BLMH: variants seen among roughly 807,000 people sequenced by gnomAD.
BLMH encodes the protein BLM hydrolase.
In BLMH, 32 loss-of-function variants were observed where a neutral mutation model predicts 61.6. The ratio of observed to expected loss-of-function variants is 0.52; its 90% CI spans 0.39 to 0.70. BLMH has a LOEUF of 0.70. Ranked by LOEUF, BLMH falls within the 30% of genes least tolerant of loss-of-function variation. BLMH has a pLI of 0.00. For missense variants in BLMH, 460 were observed against 555.5 expected (o/e 0.83, Z 1.73); for synonymous variants, 183 against 193.8 (o/e 0.94, Z 0.46).
At chr17:30,291,172 G>C in intron 2 of BLMH, 139 bp downstream of exon 2, 3 of 1,069,912 alleles carry the variant, frequency 2.8e-6, no homozygotes, top group Non-Finnish European at 4.0e-6. Flanking sequence ...TCTTAGACCT[G>C]CCTGTACCTG....
At chr17:30,278,625 T>A (rs904837554) in intron 6 of BLMH, among the ~76,000 whole-genome samples, 1 of 152,338 alleles carries the variant, frequency 6.6e-6, no homozygotes, top group African/African-American at 2.4e-5. Flanking sequence ...CCTAGAATAG[T>A]GTCAGATACA....
At chr17:30,266,110 A>G in intron 11 of BLMH, among the ~76,000 whole-genome samples, 1 of 152,156 alleles carries the variant, frequency 6.6e-6, no homozygotes, top group East Asian at 1.9e-4. Flanking sequence ...CAAAGTGTTC[A>G]TTTCCACTTT....
chr17:30,280,272 C>T (rs546795361), intron 6 of BLMH, among the ~76,000 whole-genome samples: 10 of 152,278 alleles, frequency 6.6e-5, no homozygotes, highest in Middle Eastern at 3.4e-3. Flanking sequence ...TTCTTATTAT[C>T]TGTGTCTAAT....
At position 30,249,015 on chromosome 17, in the gene BLMH, T is replaced by C; in HGVS notation, c.*2A>G. 1 of 1,613,874 alleles carries C rather than the reference T, an allele frequency of 6.2e-7. No individual in the cohort carries two copies. The highest frequency in any genetic ancestry group is 1.7e-4 in the Middle Eastern group (1 of 6,024). ...GAAGGAGGAAAGAGCTGGAGGGCAG[T>C]ATCACTCAGCCAAAGCTCCCATGGG... is the stretch of plus-strand genomic sequence containing the variant. On this transcript the variant is annotated 3_prime_UTR_variant, in exon 12 of 12. Transcript: ENST00000261714.
At chr17:30,261,957 G>C (rs962424407) in intron 11 of BLMH, among the ~76,000 whole-genome samples, 12 of 152,124 alleles carry the variant, frequency 7.9e-5, no homozygotes, top group African/African-American at 2.9e-4. Context: ...GGAACAGAGA[G>C]GCTCACTTGT....
At chr17:30,272,718 C>T (rs764438981) in intron 8 of BLMH, 23 bp downstream of exon 8, 3 of 1,613,930 alleles carry the variant, frequency 1.9e-6, no homozygotes, top group South Asian at 1.1e-5. Flanking sequence ...CCCCAATGTG[C>T]AAAATACAGA....
Position 30,289,386 on chromosome 17 carries a change from A to C in BLMH, c.308T>G (p.Phe103Cys). ...EEFEFSQSYLFFWDKVERCYF... is the reference protein window; with the variant it reads ...EEFEFSQSYLCFWDKVERCYF... ...TCTGTCCCATACCTTGTCCCAAAAAAACAGGTAAGATTGGCTAAACTCAAA... is the reference window on the plus strand; with the variant it reads ...TCTGTCCCATACCTTGTCCCAAAAACACAGGTAAGATTGGCTAAACTCAAA... The change falls in exon 3 of 12, where the codon TTT (phenylalanine) becomes TGT (cysteine). Residue 103 changes from phenylalanine to cysteine, a missense_variant. By Grantham distance (205) the Phe-to-Cys change is radical. Coordinates refer to ENST00000261714, the MANE Select transcript of BLMH (RefSeq NM_000386.4). 1.2e-6 allele frequency: 2 copies of C among 1,605,132 alleles called. No homozygotes were observed. The highest frequency in any genetic ancestry group is 2.2e-5 in the East Asian group (1 of 44,720).
intron 11 of BLMH, among the ~76,000 whole-genome samples, chr17:30,255,991 A>G (rs1301015775): frequency 6.6e-6 from 1 of 152,158 alleles, no homozygotes; most frequent in Non-Finnish European, 1.5e-5. Flanking sequence ...GGGACATGCG[A>G]TCCTCCCACC....
At chr17:30,280,914 G>T (rs145365800) in intron 6 of BLMH, among the ~76,000 whole-genome samples, 2 of 152,302 alleles carry the variant, frequency 1.3e-5, no homozygotes, top group African/African-American at 4.8e-5. Context: ...AAAGTTCAGT[G>T]CTGTGGGTAA....
At chr17:30,263,121 G>A (rs1908008253) in intron 11 of BLMH, among the ~76,000 whole-genome samples, 1 of 152,158 alleles carries the variant, frequency 6.6e-6, no homozygotes. Flanking sequence ...TTCTTGAGTG[G>A]ACGACATGCT....
At chr17:30,260,162 C>G (rs571034788) in intron 11 of BLMH, among the ~76,000 whole-genome samples, 2 of 152,232 alleles carry the variant, frequency 1.3e-5, no homozygotes, top group South Asian at 4.1e-4. Flanking sequence ...GAGGCTCAGA[C>G]AGGTTAAATG....
chr17:30,268,814 A>AT (rs960360096), intron 10 of BLMH, among the ~76,000 whole-genome samples: 1 of 149,224 alleles, frequency 6.7e-6, no homozygotes, highest in African/African-American at 2.5e-5. Context: ...AAGCAGGTGG[A>AT]TTGCTTGAGG....
At chr17:30,285,728 A>G (rs188112123) in intron 5 of BLMH, among the ~76,000 whole-genome samples, 3 of 152,326 alleles carry the variant, frequency 2.0e-5, no homozygotes, top group Admixed American at 1.3e-4. Context: ...CTCTGCAAAC[A>G]TCGCATAAAG....
chr17:30,258,287 C>T (rs985041459), intron 11 of BLMH, among the ~76,000 whole-genome samples: 1 of 151,340 alleles, frequency 6.6e-6, no homozygotes, highest in African/African-American at 2.4e-5. Context: ...CCATTTGAAA[C>T]AGTGATCTGA....
chr17:30,278,743 C>T (rs184652209), intron 6 of BLMH, among the ~76,000 whole-genome samples: 9 of 152,276 alleles, frequency 5.9e-5, no homozygotes, highest in South Asian at 4.1e-4. Flanking sequence ...GATCTCGGCT[C>T]GCTGCAACCT....
intron 10 of BLMH, among the ~76,000 whole-genome samples, chr17:30,269,092 T>C (rs2143021497): frequency 6.6e-6 from 1 of 151,358 alleles, no homozygotes; most frequent in Admixed American, 6.6e-5. Context: ...CTCTATATAG[T>C]TTAAAAATTT....
intron 11 of BLMH, among the ~76,000 whole-genome samples, chr17:30,256,344 T>A (rs1907814034): frequency 6.6e-6 from 1 of 152,228 alleles, no homozygotes; most frequent in Non-Finnish European, 1.5e-5. Flanking sequence ...TTATTGCTGT[T>A]TGGAGGCAGA....
In BLMH at chr17:30,288,101, G is replaced by A. The variant is rs112285193; in HGVS notation, c.322-154C>T. On this transcript the variant is annotated intron_variant, in intron 3 of 11. Transcript: ENST00000261714. The stretch of plus-strand genomic sequence containing the variant: ...ACATGAAACCTTCATGAATTTGCAT[G>A]TCATCCTTGTACAGAGGCCATGCTA... 2,615 of 794,752 alleles carry A rather than the reference G, an allele frequency of 3.3e-3. 61 individuals are homozygous for A. In the African/African-American group the frequency reaches 0.041, roughly 13 times the overall value. 49.2% of individuals were successfully genotyped at this position (794,752 alleles called of 1,614,324 possible). A position where few individuals can be genotyped will look rare whatever the true frequency, so the allele number is the denominator to read the frequency against.
chr17:30,266,967 GGAT>G lies in BLMH; in HGVS notation c.1147-16_1147-14del, dbSNP rs759205565. Reference sequence around the variant, plus strand: ...CATCCTGATCATCCTGCAAAAAAGTGGATGATGGTGAGTAGTCTGAAGCCAGAT... The same window carrying G: ...CATCCTGATCATCCTGCAAAAAAGTGGATGGTGAGTAGTCTGAAGCCAGAT... On this transcript the variant is annotated splice_polypyrimidine_tract_variant and intron_variant, in intron 10 of 11. Coordinates refer to ENST00000261714, the MANE Select transcript of BLMH (RefSeq NM_000386.4). The G allele has an allele frequency of 1.5e-4, 238 of 1,613,336 alleles. No individual in the cohort carries two copies. Among genetic ancestry groups the G allele is most frequent in the Non-Finnish European group, 1.7e-4 (201 of 1,179,476 alleles).
Sources: allele counts gnomAD v4.1 joint callset (sites outside exome capture counted in the v4.1 genomes callset), GRCh38; gene constraint gnomAD v4.1.1; transcripts MANE v1.5; gene names NCBI Gene and HGNC (gene_info 2026-07-23, HGNC 2026-07-21).